Variants in CPNE6 observed in about 807,000 individuals in gnomAD.
CPNE6 encodes copine 6, also known as copine-6.
A neutral mutation model predicts 71.5 loss-of-function variants in CPNE6; 33 were observed. That is an observed-to-expected ratio of 0.46 (90% CI 0.35 to 0.62). The LOEUF (loss-of-function observed/expected upper bound fraction) is 0.62, where lower values mean the gene tolerates loss of function less well. Among genes scored for constraint, CPNE6 ranks in the 20% least tolerant of loss-of-function variants. CPNE6 has a pLI of 0.00. For missense variants in CPNE6, 576 were observed against 747.3 expected, an observed-to-expected ratio of 0.77 and a Z score of 2.67; for synonymous variants, 296 against 293.0, an observed-to-expected ratio of 1.01 and a Z score of -0.10.
At position 24,077,804 on chromosome 14, in the gene CPNE6, G is replaced by C; in HGVS notation, c.*37+37G>C. The C allele has an allele frequency of 7.0e-7, 1 of 1,424,176 alleles. No homozygotes were observed. The highest frequency in any genetic ancestry group is 9.2e-7 in the Non-Finnish European group (1 of 1,084,494). 88.2% of individuals were successfully genotyped at this position (1,424,176 alleles called of 1,614,324 possible). Reference sequence around the variant, plus strand: ...GGCTTCCAAAGGAGTGGACACAGGGGGTGCAAAGTGGGGCTTGGTAGAGCC... The same window carrying C: ...GGCTTCCAAAGGAGTGGACACAGGGCGTGCAAAGTGGGGCTTGGTAGAGCC... On this transcript the variant is annotated intron_variant, in intron 17 of 17. Transcript: ENST00000397016. The surrounding 1 kb of genome is among the most constrained non-coding windows in gnomAD (Gnocchi z 6.1).
Position 24,075,807 on chromosome 14 carries a change from A to T in CPNE6, c.865-20A>T. 2 of 1,612,378 alleles carry T rather than the reference A, an allele frequency of 1.2e-6. No homozygotes were observed. The highest frequency in any genetic ancestry group is 2.7e-5 in the African/African-American group (2 of 74,838). On this transcript the variant is annotated intron_variant, in intron 10 of 17. Coordinates refer to ENST00000397016, the Ensembl canonical transcript of CPNE6. This position sits in a 1 kb window ranked among gnomAD's most constrained non-coding sequence, Gnocchi z 4.3. The stretch of plus-strand genomic sequence containing the variant: ...AAGGACCACCCCATCCCCTCGCCTT[A>T]CCCCTCTCCCTACCTCCAGGTGGAG...
chr14:24,071,035 TTGAG>T, intron 1 of CPNE6: 22 of 1,535,510 alleles, frequency 1.4e-5, no homozygotes, highest in Non-Finnish European at 1.9e-5. Flanking sequence ...CCGGGTTAGT[TTGAG>T]TGAGTACATG....
At position 24,075,267 on chromosome 14, in the gene CPNE6, T is replaced by C; in HGVS notation, c.768T>C (p.Pro256=). The C allele has an allele frequency of 6.2e-7, 1 of 1,613,940 alleles. No homozygotes were observed. Among genetic ancestry groups the C allele is most frequent in the Non-Finnish European group, 8.5e-7 (1 of 1,179,862 alleles). ...AGATGCAGGAAGGGACGGCAAACCCTGGGCAGGAGGTGCCACAAATACCCC... is the reference window on the plus strand; with the variant it reads ...AGATGCAGGAAGGGACGGCAAACCCCGGGCAGGAGGTGCCACAAATACCCC... Residue 256 remains proline (P), a synonymous_variant, in exon 9 of 18, where the codon CCT becomes CCC. Coordinates refer to ENST00000397016, the Ensembl canonical transcript of CPNE6. The surrounding 1 kb of genome is among the most constrained non-coding windows in gnomAD (Gnocchi z 4.3).
exon 15 of CPNE6, chr14:24,076,881 A>G (rs986522924): frequency 6.2e-7 from 1 of 1,612,730 alleles, no homozygotes; most frequent in African/African-American, 1.3e-5. Flanking sequence ...ACTCACAGAG[A>G]TCTCAGGGGT....
chr14:24,074,652 G>T lies in CPNE6; in HGVS notation c.582+38G>T. 6.2e-7 allele frequency: 1 copy of T among 1,613,718 alleles called. No individual in the cohort carries two copies. Among genetic ancestry groups the T allele is most frequent in the African/African-American group, 1.3e-5 (1 of 75,024 alleles). ...GGCTATGGGGATGAAGGGAGGGAGAGTAAAGTAAGAAGACACAGACAGGAG... is the reference window on the plus strand; with the variant it reads ...GGCTATGGGGATGAAGGGAGGGAGATTAAAGTAAGAAGACACAGACAGGAG... On this transcript the variant is annotated intron_variant, in intron 7 of 17. Coordinates refer to ENST00000397016, the Ensembl canonical transcript of CPNE6. The surrounding 1 kb of genome is among the most constrained non-coding windows in gnomAD (Gnocchi z 4.5).
chr14:24,071,823 AC>A (rs972874760), intron 2 of CPNE6, 182 bp downstream of exon 1: 5 of 504,828 alleles, frequency 9.9e-6, no homozygotes, highest in African/African-American at 2.0e-5. Flanking sequence ...GAAGGCAGAG[AC>A]CCCCCTCCCC....
chr14:24,077,226 C>T lies in CPNE6; in HGVS notation c.1372C>T (p.Arg458Cys), dbSNP rs563782362. ...GGCTGAGACTCGCACTGCTATCGTG[C>T]GTGCCTCCCGCCTGCCCATGTCCAT... The change falls in exon 16 of 18, where the codon CGT becomes TGT. Residue 458 changes from arginine to cysteine, a missense_variant. Around this residue, in one of 4 missense-constraint regions of CPNE6, gnomAD observed 264 missense variants for 339.9 expected, o/e 0.78. Transcript: ENST00000397016. This position sits in a 1 kb window ranked among gnomAD's most constrained non-coding sequence, Gnocchi z 6.1. 1.1e-5 allele frequency: 18 copies of T among 1,612,786 alleles called. No homozygotes were observed. The highest frequency in any genetic ancestry group is 1.6e-4 in the Middle Eastern group (1 of 6,062).
chr14:24,075,417 G>C lies in CPNE6; in HGVS notation c.778-88G>C. The C allele has an allele frequency of 1.4e-6, 2 of 1,426,832 alleles. No homozygotes were observed. The highest frequency in any genetic ancestry group is 1.8e-4 in the Middle Eastern group (1 of 5,706). The allele number at this position is 1,426,832 out of a possible 1,614,324, so 88.4% of individuals were successfully genotyped here. On this transcript the variant is annotated intron_variant, in intron 9 of 17. Transcript: ENST00000397016. This position sits in a 1 kb window ranked among gnomAD's most constrained non-coding sequence, Gnocchi z 4.3. The stretch of plus-strand genomic sequence containing the variant: ...GCTCAGCTGAAGGACGGAACCATGG[G>C]GGTCTTGCTCTGGGAGGCTCTGCTG...
chr14:24,071,522 T>G, intron 1 of CPNE6, 40 bp from the exon 1 acceptor site: 3 of 208,432 alleles, frequency 1.4e-5, no homozygotes, highest in Non-Finnish European at 2.2e-5. Context: ...CCCCTCCCCA[T>G]CCAGGCCCCA....
Position 24,075,707 on chromosome 14 carries a change from C to A in CPNE6, c.864+116C>A, listed in dbSNP as rs1313674981. 4 of 1,347,522 alleles carry A rather than the reference C, an allele frequency of 3.0e-6. No homozygotes were observed. Among genetic ancestry groups the A allele is most frequent in the Non-Finnish European group, 4.2e-6 (4 of 956,656 alleles). The allele number at this position is 1,347,522 out of a possible 1,614,324, so 83.5% of individuals were successfully genotyped here. On this transcript the variant is annotated intron_variant, in intron 10 of 17. Transcript: ENST00000397016. The surrounding 1 kb of genome is among the most constrained non-coding windows in gnomAD (Gnocchi z 4.3). ...TTCTCTGCTTCTGGGAACTGGAAAC[C>A]ACCCCCAACTGCAACCCAAAAAACT...
chr14:24,074,486 T>C lies in CPNE6; in HGVS notation c.499-45T>C, dbSNP rs1318038832. ...GTGGGAGCCCATCCCCCACCCTCCT[T>C]GCAGCTCTCACCAACCTCAAGGGCC... is the stretch of plus-strand genomic sequence containing the variant. On this transcript the variant is annotated intron_variant, in intron 6 of 17. Coordinates refer to ENST00000397016, the Ensembl canonical transcript of CPNE6. This position sits in a 1 kb window ranked among gnomAD's most constrained non-coding sequence, Gnocchi z 4.5. The C allele has an allele frequency of 1.2e-6, 2 of 1,600,040 alleles. No homozygotes were observed. The highest frequency in any genetic ancestry group is 4.5e-5 in the East Asian group (2 of 44,794).
In CPNE6 at chr14:24,074,550, A is replaced by G; in HGVS notation, c.518A>G (p.Asp173Gly). 1 of 1,613,998 alleles carries G rather than the reference A, an allele frequency of 6.2e-7. No homozygotes were observed. The highest frequency in any genetic ancestry group is 2.2e-5 in the East Asian group (1 of 44,874). The change falls in exon 7 of 18, where the codon GAC becomes GGC. Residue 173 changes from aspartate (D) to glycine (G), a missense_variant. Physicochemically the swap from Asp to Gly is moderately conservative, Grantham distance 94. This residue lies in a region of CPNE6 where 214 missense variants were observed against 291.2 expected (regional missense o/e 0.73). Coordinates refer to ENST00000397016, the Ensembl canonical transcript of CPNE6. The surrounding 1 kb of genome is among the most constrained non-coding windows in gnomAD (Gnocchi z 4.5). ...CTTCAGGATCTGTTCAGCAAGTCTG[A>G]CCCTTTCATGGAAATCTATAAGACC...
At position 24,075,456 on chromosome 14, in the gene CPNE6, G is replaced by C. The variant is rs754350770; in HGVS notation, c.778-49G>C. 1.3e-6 allele frequency: 2 copies of C among 1,550,134 alleles called. No individual in the cohort carries two copies. The highest frequency in any genetic ancestry group is 1.8e-6 in the Non-Finnish European group (2 of 1,129,218). On this transcript the variant is annotated intron_variant, in intron 9 of 17. Transcript: ENST00000397016. The surrounding 1 kb of genome is among the most constrained non-coding windows in gnomAD (Gnocchi z 4.3). ...GAGGCTCTGCTGGAAGGGAGAAAGA[G>C]GGGTCACCTGATGGACTTGTGACCC...
intron 14 of CPNE6, 127 bp from the exon 14 acceptor site, chr14:24,076,752 C>T: frequency 2.0e-6 from 3 of 1,510,700 alleles, no homozygotes; most frequent in South Asian, 1.1e-5. Context: ...CCAACTCTCC[C>T]ACTGCTTAAT....
At position 24,077,776 on chromosome 14, in the gene CPNE6, T is replaced by G; in HGVS notation, c.*37+9T>G. On this transcript the variant is annotated intron_variant, in intron 17 of 17. Transcript: ENST00000397016. This position sits in a 1 kb window ranked among gnomAD's most constrained non-coding sequence, Gnocchi z 6.1. ...ACTCCCTCAGCCTCTCAGTGAGTCC[T>G]GGGGCTTCCAAAGGAGTGGACACAG... The G allele has an allele frequency of 6.7e-7, 1 of 1,491,778 alleles. No homozygotes were observed. The allele number at this position is 1,491,778 out of a possible 1,614,324, so 92.4% of individuals were successfully genotyped here. A position where few individuals can be genotyped will look rare whatever the true frequency, so the allele number is the denominator to read the frequency against.
chr14:24,077,720 C>G lies in CPNE6; in HGVS notation c.1664C>G (p.Pro555Arg). 1 of 1,526,206 alleles carries G rather than the reference C, an allele frequency of 6.6e-7. No individual in the cohort carries two copies. The highest frequency in any genetic ancestry group is 8.8e-7 in the Non-Finnish European group (1 of 1,138,238). 94.5% of individuals were successfully genotyped at this position (1,526,206 alleles called of 1,614,324 possible). ...TGCACACTGGCTACGACTCCCAGCC[C>G]TAGCCCGTGACTGCCTCCCTCCGGA... The change falls in exon 17 of 18, where the codon CCT becomes CGT. Residue 555 changes from proline to arginine, a missense_variant. Transcript: ENST00000397016. This position sits in a 1 kb window ranked among gnomAD's most constrained non-coding sequence, Gnocchi z 6.1.
chr14:24,076,193 C>T (rs748899455), exon 12 of CPNE6: 37 of 1,613,984 alleles, frequency 2.3e-5, no homozygotes, highest in African/African-American at 4.0e-5. Context: ...CGAGGAGCAG[C>T]CAGTCCCTGC....
Position 24,077,187 on chromosome 14 carries a change from G to A in CPNE6, c.1333G>A (p.Val445Met). ...GGTGCTGCTGGTGCTCACTGACGGT[G>A]TGGTGAGCGACATGGCTGAGACTCG... is the stretch of plus-strand genomic sequence containing the variant. The change falls in exon 16 of 18, where the codon GTG (valine) becomes ATG (methionine). Residue 445 changes from valine to methionine, a missense_variant. This residue lies in a region of CPNE6 where 264 missense variants were observed against 339.9 expected (regional missense o/e 0.78). Coordinates refer to ENST00000397016, the Ensembl canonical transcript of CPNE6. The surrounding 1 kb of genome is among the most constrained non-coding windows in gnomAD (Gnocchi z 6.1). 6.2e-7 allele frequency: 1 copy of A among 1,608,560 alleles called. No individual in the cohort carries two copies. The highest frequency in any genetic ancestry group is 8.5e-7 in the Non-Finnish European group (1 of 1,179,868).
chr14:24,073,349 C>A lies in CPNE6; in HGVS notation c.169-150C>A. The A allele has an allele frequency of 3.0e-6, 3 of 1,003,100 alleles. No individual in the cohort carries two copies. Among genetic ancestry groups the A allele is most frequent in the South Asian group, 1.7e-5 (1 of 59,344 alleles). 62.1% of individuals were successfully genotyped at this position (1,003,100 alleles called of 1,614,324 possible). ...GAGAGTCCAGTGGGCAGGCAGCACC[C>A]CAAGCTCAGGGATCAGCTTAGGAAG... On this transcript the variant is annotated intron_variant, in intron 3 of 17. Transcript: ENST00000397016. This position sits in a 1 kb window ranked among gnomAD's most constrained non-coding sequence, Gnocchi z 5.5.
Sources: allele counts gnomAD v4.1 joint callset, GRCh38; gene constraint gnomAD v4.1.1; regional missense constraint gnomAD v4.1.1; non-coding constraint Gnocchi (gnomAD v3.1); transcripts MANE v1.5; gene names NCBI Gene and HGNC (gene_info 2026-07-23, HGNC 2026-07-21).